GMDS: variants seen among roughly 807,000 people sequenced by gnomAD.
GMDS encodes the protein GDP-mannose 4,6 dehydratase.
In GMDS, 20 loss-of-function variants were observed where a neutral mutation model predicts 49.9. That is an observed-to-expected ratio of 0.40 (90% CI 0.28 to 0.58). GMDS has a LOEUF of 0.58. GMDS is among the 20% of genes least tolerant of loss of function. The pLI, the probability that GMDS is intolerant of heterozygous loss-of-function variation, is 0.42. For synonymous variants in GMDS, 177 were observed against 178.6 expected (o/e 0.99, Z 0.07); for missense variants, 362 against 481.4 (o/e 0.75, Z 2.32).
intron 9 of GMDS, among the ~76,000 whole-genome samples, chr6:1,636,294 T>C (rs1448897838): frequency 6.6e-6 from 1 of 152,166 alleles, no homozygotes; most frequent in African/African-American, 2.4e-5. Flanking sequence ...AAAAGCCTGT[T>C]GGCGTAGAAA....
chr6:2,160,756 G>A (rs2127545308), intron 1 of GMDS, among the ~76,000 whole-genome samples: 1 of 152,204 alleles, frequency 6.6e-6, no homozygotes, highest in South Asian at 2.1e-4. Context: ...TCCAACTCCT[G>A]AGCCTAAGCT....
intron 7 of GMDS, among the ~76,000 whole-genome samples, chr6:1,859,467 C>A (rs988758584): frequency 6.6e-6 from 1 of 152,158 alleles, no homozygotes; most frequent in Non-Finnish European, 1.5e-5. Context: ...GCTGTAATGG[C>A]CACCAAACGT....
intron 6 of GMDS, among the ~76,000 whole-genome samples, chr6:1,947,921 AT>A (rs1763161602): frequency 6.6e-6 from 1 of 152,154 alleles, no homozygotes; most frequent in Admixed American, 6.5e-5. Context: ...ATGTTCCTTT[AT>A]GCATTTTCCC....
chr6:1,625,148 C>T (rs1019399765), intron 9 of GMDS: 3 of 152,146 alleles, frequency 2.0e-5, no homozygotes, highest in African/African-American at 4.8e-5. Flanking sequence ...ATGTTTCTTC[C>T]CGGGCCGCAG....
intron 1 of GMDS, among the ~76,000 whole-genome samples, chr6:2,231,284 A>G (rs1374622227): frequency 6.6e-6 from 1 of 152,118 alleles, no homozygotes; most frequent in African/African-American, 2.4e-5. Flanking sequence ...AGGGCCAGGA[A>G]CAGTGGCTCA....
At chr6:1,985,429 G>A (rs1765488562) in intron 4 of GMDS, among the ~76,000 whole-genome samples, 2 of 151,840 alleles carry the variant, frequency 1.3e-5, no homozygotes, top group Admixed American at 1.3e-4. Context: ...GAACCAATAA[G>A]AACTATTTAA....
chr6:2,230,315 T>C (rs1420718026), intron 1 of GMDS, among the ~76,000 whole-genome samples: 1 of 152,236 alleles, frequency 6.6e-6, no homozygotes, highest in Non-Finnish European at 1.5e-5. Context: ...GAAACGTATA[T>C]TTAAAGAGAA....
At chr6:2,156,793 A>G (rs527656122) in intron 1 of GMDS, among the ~76,000 whole-genome samples, 57 of 152,262 alleles carry the variant, frequency 3.7e-4, no homozygotes, top group Admixed American at 1.8e-3. Context: ...CTGAATATAC[A>G]TCTATTTTCT....
At chr6:1,821,281 A>G (rs7765580) in intron 7 of GMDS, among the ~76,000 whole-genome samples, 4,524 of 152,162 alleles carry the variant, frequency 0.03, 221 homozygotes, top group African/African-American at 0.11. Context: ...AGAAGGGTCT[A>G]TGCTAAGTAA....
chr6:2,167,431 T>C (rs1777723088), intron 1 of GMDS, among the ~76,000 whole-genome samples: 1 of 152,148 alleles, frequency 6.6e-6, no homozygotes, highest in Non-Finnish European at 1.5e-5. Context: ...TGCAGTTTCA[T>C]TTCCCTCTCC....
intron 1 of GMDS, among the ~76,000 whole-genome samples, chr6:2,197,812 T>C (rs1475631971): frequency 1.3e-5 from 2 of 152,170 alleles, no homozygotes; most frequent in Non-Finnish European, 2.9e-5. Flanking sequence ...GACACCCCTC[T>C]CATGGAAGCC....
chr6:1,958,004 C>T (rs879407853), intron 6 of GMDS, among the ~76,000 whole-genome samples: 3 of 151,824 alleles, frequency 2.0e-5, no homozygotes, highest in Non-Finnish European at 4.4e-5. Context: ...CAGGATCTTA[C>T]TATGTTGCCC....
intron 7 of GMDS, among the ~76,000 whole-genome samples, chr6:1,818,131 A>G (rs1219553046): frequency 6.6e-6 from 1 of 152,248 alleles, no homozygotes; most frequent in Non-Finnish European, 1.5e-5. Context: ...TATTTATGGT[A>G]TGACGACAGG....
At chr6:1,704,791 G>A (rs2113374430) in intron 9 of GMDS, among the ~76,000 whole-genome samples, 1 of 151,178 alleles carries the variant, frequency 6.6e-6, no homozygotes, top group East Asian at 2.0e-4. Flanking sequence ...AGCTTGCTTT[G>A]TGGATTAATA....
intron 6 of GMDS, among the ~76,000 whole-genome samples, chr6:1,950,771 A>G (rs1383536697): frequency 1.3e-5 from 2 of 152,232 alleles, no homozygotes; most frequent in African/African-American, 4.8e-5. Context: ...ATTCACACAG[A>G]TTCTGCAAGC....
At chr6:1,732,387 CA>C (rs1766846076) in intron 8 of GMDS, among the ~76,000 whole-genome samples, 1 of 152,100 alleles carries the variant, frequency 6.6e-6, no homozygotes, top group Non-Finnish European at 1.5e-5. Flanking sequence ...GAATGCATAG[CA>C]TTCGTCAGTC....
chr6:2,143,308 A>G (rs2127530570), intron 1 of GMDS, among the ~76,000 whole-genome samples: 1 of 152,082 alleles, frequency 6.6e-6, no homozygotes, highest in East Asian at 1.9e-4. Flanking sequence ...CACATTGTCA[A>G]TTGAGGGGCA....
intron 4 of GMDS, among the ~76,000 whole-genome samples, chr6:2,115,253 A>C (rs1774780460): frequency 6.6e-6 from 1 of 152,214 alleles, no homozygotes; most frequent in African/African-American, 2.4e-5. Flanking sequence ...CACTGGCTAT[A>C]TCACACTGAG....
At chr6:2,071,894 C>G (rs1165263890) in intron 4 of GMDS, among the ~76,000 whole-genome samples, 1 of 152,136 alleles carries the variant, frequency 6.6e-6, no homozygotes. Flanking sequence ...CAGCACATAC[C>G]TATACCTCAC....
Sources: allele counts gnomAD v4.1 joint callset (sites outside exome capture counted in the v4.1 genomes callset), GRCh38; gene constraint gnomAD v4.1.1; transcripts MANE v1.5; gene names NCBI Gene and HGNC (gene_info 2026-07-23, HGNC 2026-07-21).